Variants in QTMAN observed in about 807,000 individuals in gnomAD.
QTMAN encodes the protein tRNA-queuosine alpha-mannosyltransferase.
the QTMAN span, among the ~76,000 whole-genome samples, chr2:144,167,182 T>C: frequency 6.6e-6 from 1 of 152,222 alleles, no homozygotes; most frequent in Non-Finnish European, 1.5e-5. Context: ...GTATTATAGA[T>C]TGATGCTTTT....
chr2:144,237,570 T>C, the QTMAN span, among the ~76,000 whole-genome samples: 1 of 152,140 alleles, frequency 6.6e-6, no homozygotes, highest in Non-Finnish European at 1.5e-5. Context: ...AAGAACCACG[T>C]TCTATCCAAA....
chr2:144,279,930 G>C, the QTMAN span, among the ~76,000 whole-genome samples: 49 of 152,240 alleles, frequency 3.2e-4, no homozygotes, highest in African/African-American at 1.2e-3. Flanking sequence ...GCATTTGTTA[G>C]AAGTTGTGGC....
the QTMAN span, among the ~76,000 whole-genome samples, chr2:144,221,524 A>T: frequency 2.0e-5 from 3 of 152,204 alleles, no homozygotes; most frequent in Non-Finnish European, 4.4e-5. Context: ...CGCAAACATA[A>T]ATGATCATTT....
the QTMAN span, among the ~76,000 whole-genome samples, chr2:143,982,406 A>G: frequency 6.6e-6 from 1 of 151,402 alleles, no homozygotes; most frequent in African/African-American, 2.4e-5. Context: ...AATTTTTTGT[A>G]TTTTTAGTAG....
At chr2:144,192,035 AAATG>A in the QTMAN span, among the ~76,000 whole-genome samples, 2 of 152,214 alleles carry the variant, frequency 1.3e-5, no homozygotes, top group Non-Finnish European at 2.9e-5. Context: ...AGGGTGAAAG[AAATG>A]AATGAAAAGA....
chr2:144,083,650 CA>C, the QTMAN span, among the ~76,000 whole-genome samples: 5 of 152,006 alleles, frequency 3.3e-5, no homozygotes, highest in African/African-American at 1.2e-4. Flanking sequence ...GGAGAGCTAC[CA>C]ACAATATAAT....
chr2:144,203,206 C>T, the QTMAN span, among the ~76,000 whole-genome samples: 2 of 151,506 alleles, frequency 1.3e-5, no homozygotes, highest in Non-Finnish European at 2.9e-5. Flanking sequence ...TGCGCACGCA[C>T]ACATGTATGC....
chr2:144,192,327 G>A, the QTMAN span, among the ~76,000 whole-genome samples: 3 of 151,948 alleles, frequency 2.0e-5, no homozygotes, highest in East Asian at 1.9e-4. Flanking sequence ...GGCTGGTTTC[G>A]AACTCCTGAC....
the QTMAN span, among the ~76,000 whole-genome samples, chr2:144,093,059 T>C: frequency 6.6e-6 from 1 of 152,156 alleles, no homozygotes; most frequent in African/African-American, 2.4e-5. Context: ...AAAAATTACA[T>C]GACCGCATTT....
the QTMAN span, among the ~76,000 whole-genome samples, chr2:144,259,388 A>T: frequency 6.6e-6 from 1 of 152,054 alleles, no homozygotes; most frequent in Middle Eastern, 3.2e-3. Flanking sequence ...CAAACTTCTG[A>T]TCTCAAGTGA....
chr2:144,150,434 T>C, the QTMAN span, among the ~76,000 whole-genome samples: 12 of 152,192 alleles, frequency 7.9e-5, no homozygotes, highest in South Asian at 2.5e-3. Context: ...ACTAGCTACA[T>C]ATGGCTATCG....
At chr2:144,067,014 ACC>A in the QTMAN span, among the ~76,000 whole-genome samples, 1 of 152,118 alleles carries the variant, frequency 6.6e-6, no homozygotes, top group Non-Finnish European at 1.5e-5. Flanking sequence ...GGTCTGTTCT[ACC>A]TTCAAAATAT....
the QTMAN span, among the ~76,000 whole-genome samples, chr2:144,266,037 A>C: frequency 6.6e-6 from 1 of 152,342 alleles, no homozygotes; most frequent in African/African-American, 2.4e-5. Flanking sequence ...AAGAGCTGGA[A>C]TACGTAAAGA....
At chr2:144,136,970 C>T in the QTMAN span, among the ~76,000 whole-genome samples, 2 of 152,024 alleles carry the variant, frequency 1.3e-5, no homozygotes, top group African/African-American at 4.8e-5. Context: ...TGCAACCCAG[C>T]AGAAATGGGA....
chr2:144,270,141 G>C, the QTMAN span, among the ~76,000 whole-genome samples: 1 of 152,148 alleles, frequency 6.6e-6, no homozygotes, highest in Non-Finnish European at 1.5e-5. Flanking sequence ...TATCCAGTCA[G>C]TTAGGATTTC....
chr2:144,158,357 G>A, the QTMAN span, among the ~76,000 whole-genome samples: 1 of 152,076 alleles, frequency 6.6e-6, no homozygotes, highest in East Asian at 1.9e-4. Flanking sequence ...ATTTTGGATA[G>A]TGTAGAAGAT....
the QTMAN span, among the ~76,000 whole-genome samples, chr2:144,157,842 T>C: frequency 3.3e-5 from 5 of 151,938 alleles, no homozygotes; most frequent in African/African-American, 1.2e-4. Flanking sequence ...ATATAGTACA[T>C]GCAAGATTCT....
At chr2:144,141,117 GA>G in the QTMAN span, among the ~76,000 whole-genome samples, 1 of 151,926 alleles carries the variant, frequency 6.6e-6, no homozygotes, top group African/African-American at 2.4e-5. Flanking sequence ...ACTCTTTTAA[GA>G]AAGCAGTCAG....
At chr2:144,247,242 T>C in the QTMAN span, among the ~76,000 whole-genome samples, 1 of 152,220 alleles carries the variant, frequency 6.6e-6, no homozygotes, top group East Asian at 1.9e-4. Context: ...AATTGAAATG[T>C]ATTATCTGAT....
Sources: allele counts gnomAD v4.1 joint callset (sites outside exome capture counted in the v4.1 genomes callset), GRCh38; gene constraint gnomAD v4.1.1; transcripts MANE v1.5; gene names NCBI Gene and HGNC (gene_info 2026-07-23, HGNC 2026-07-21).